Variants in ANKRD13C observed in about 807,000 individuals in gnomAD.
ANKRD13C encodes the protein ankyrin repeat domain-containing protein 13C.
ANKRD13C carries 16 observed loss-of-function variants against 65.5 expected under a neutral mutation model. That is an observed-to-expected ratio of 0.24 (90% CI 0.17 to 0.37). The LOEUF (loss-of-function observed/expected upper bound fraction) is 0.37. Ranked by LOEUF, ANKRD13C falls within the 10% of genes least tolerant of loss-of-function variation. The pLI, the probability that ANKRD13C is intolerant of heterozygous loss-of-function variation, is 1.00. For synonymous variants in ANKRD13C, 235 were observed against 238.7 expected (o/e 0.98, Z 0.14); for missense variants, 503 against 655.9 (o/e 0.77, Z 2.55).
At chr1:70,265,627 GC>G (rs1241293443) in intron 12 of ANKRD13C, among the ~76,000 whole-genome samples, 4 of 151,646 alleles carry the variant, frequency 2.6e-5, no homozygotes, top group Non-Finnish European at 5.9e-5. Flanking sequence ...TTTGAGACCA[GC>G]CCGGGCAACA....
At chr1:70,276,887 GAA>G (rs1282629008) in intron 9 of ANKRD13C, 43 bp from the exon 10 acceptor site, 1 of 1,434,152 alleles carries the variant, frequency 7.0e-7, no homozygotes. Context: ...GGGGGAGAAA[GAA>G]AGATGTTATT....
intron 7 of ANKRD13C, among the ~76,000 whole-genome samples, chr1:70,298,930 C>A (rs1364067932): frequency 2.0e-5 from 3 of 151,976 alleles, no homozygotes; most frequent in African/African-American, 7.3e-5. Context: ...AAAGAGTTTA[C>A]CAACCTATAG....
intron 1 of ANKRD13C, among the ~76,000 whole-genome samples, chr1:70,353,261 A>G (rs1453706983): frequency 6.6e-6 from 1 of 152,244 alleles, no homozygotes; most frequent in Non-Finnish European, 1.5e-5. Context: ...AATGGTCAAT[A>G]TTGACTAAGA....
At chr1:70,315,645 G>T in intron 3 of ANKRD13C, 79 bp from the exon 4 acceptor site, 2 of 1,084,662 alleles carry the variant, frequency 1.8e-6, no homozygotes, top group Non-Finnish European at 2.7e-6. Flanking sequence ...TATACATATA[G>T]ATAGATAATA....
chr1:70,320,929 A>G (rs1681281108), intron 3 of ANKRD13C, among the ~76,000 whole-genome samples: 1 of 151,972 alleles, frequency 6.6e-6, no homozygotes, highest in Admixed American at 6.6e-5. Context: ...AGCTGGGACT[A>G]CAGGCACACA....
intron 9 of ANKRD13C, among the ~76,000 whole-genome samples, chr1:70,288,871 C>T (rs1168149071): frequency 6.6e-6 from 1 of 152,084 alleles, no homozygotes; most frequent in Non-Finnish European, 1.5e-5. Context: ...CTTGGTAAGA[C>T]GTTACCACTG....
chr1:70,312,220 G>C (rs1306266239), intron 5 of ANKRD13C, among the ~76,000 whole-genome samples: 2 of 152,188 alleles, frequency 1.3e-5, no homozygotes, highest in Admixed American at 1.3e-4. Flanking sequence ...TTACTGACGA[G>C]TTGAAGCTGA....
At chr1:70,346,882 G>C (rs1682548206) in intron 1 of ANKRD13C, among the ~76,000 whole-genome samples, 1 of 151,994 alleles carries the variant, frequency 6.6e-6, no homozygotes, top group African/African-American at 2.4e-5. Flanking sequence ...ACGAGGTCAG[G>C]AGATCGAGAC....
intron 2 of ANKRD13C, among the ~76,000 whole-genome samples, chr1:70,330,362 T>A (rs561935686): frequency 1.6e-4 from 24 of 151,998 alleles, no homozygotes; most frequent in Admixed American, 1.1e-3. Flanking sequence ...GTTTGAGACC[T>A]GTCTGGCCAA....
At chr1:70,336,738 T>C (rs1235833412) in intron 1 of ANKRD13C, among the ~76,000 whole-genome samples, 1 of 152,086 alleles carries the variant, frequency 6.6e-6, no homozygotes, top group Non-Finnish European at 1.5e-5. Context: ...ACAATTTATA[T>C]TTGGGAAACA....
intron 7 of ANKRD13C, among the ~76,000 whole-genome samples, chr1:70,298,183 T>C (rs1361904480): frequency 6.6e-6 from 1 of 152,164 alleles, no homozygotes; most frequent in Non-Finnish European, 1.5e-5. Context: ...TTTTATATAT[T>C]AGCTTGGAAA....
chr1:70,334,489 T>C (rs1681933726), intron 2 of ANKRD13C, among the ~76,000 whole-genome samples: 1 of 152,108 alleles, frequency 6.6e-6, no homozygotes, highest in South Asian at 2.1e-4. Context: ...TAGCCGGGCA[T>C]GGTGGCATGT....
intron 1 of ANKRD13C, among the ~76,000 whole-genome samples, chr1:70,351,545 A>G (rs1036346895): frequency 6.6e-6 from 1 of 152,048 alleles, no homozygotes; most frequent in African/African-American, 2.4e-5. Flanking sequence ...GATTACAAGC[A>G]TGCACCACCA....
chr1:70,353,310 C>T (rs937898370), intron 1 of ANKRD13C, among the ~76,000 whole-genome samples: 6 of 152,136 alleles, frequency 3.9e-5, no homozygotes, highest in Non-Finnish European at 4.4e-5. Flanking sequence ...TTTTTAGTCA[C>T]AGTCATCAAG....
At chr1:70,272,658 G>A (rs1190389410) in intron 11 of ANKRD13C, among the ~76,000 whole-genome samples, 1 of 151,388 alleles carries the variant, frequency 6.6e-6, no homozygotes, top group Non-Finnish European at 1.5e-5. Context: ...AATATTAGCT[G>A]CAGTTTTCTT....
intron 3 of ANKRD13C, among the ~76,000 whole-genome samples, chr1:70,323,579 G>T (rs1681406022): frequency 6.6e-6 from 1 of 151,688 alleles, no homozygotes; most frequent in Non-Finnish European, 1.5e-5. Flanking sequence ...GGAGGCGGAG[G>T]TTGCAGTGAG....
At chr1:70,352,196 CT>C (rs1682768653) in intron 1 of ANKRD13C, among the ~76,000 whole-genome samples, 1 of 151,958 alleles carries the variant, frequency 6.6e-6, no homozygotes, top group Non-Finnish European at 1.5e-5. Context: ...AAAAATTAGC[CT>C]GGCGCGGTGG....
chr1:70,354,080 C>CAACT lies in ANKRD13C; in HGVS notation c.325_328dup (p.Cys110Ter). The CAACT allele has an allele frequency of 6.2e-7, 1 of 1,611,080 alleles. No individual in the cohort carries two copies. Among genetic ancestry groups the CAACT allele is most frequent in the Non-Finnish European group, 8.5e-7 (1 of 1,178,194 alleles). On this transcript the variant is annotated stop_gained and frameshift_variant, in exon 1 of 13. Transcript: ENST00000370944. LOFTEE classifies it high-confidence loss of function. ...CTCGTGCACCGGGTAGTGTGCGGGGCAACTGCCTCCATCCGCGACGACAGC... is the reference window on the plus strand; with the variant it reads ...CTCGTGCACCGGGTAGTGTGCGGGGCAACTAACTGCCTCCATCCGCGACGACAGC...
chr1:70,278,140 G>C (rs939261177), intron 9 of ANKRD13C, among the ~76,000 whole-genome samples: 1 of 150,966 alleles, frequency 6.6e-6, no homozygotes, highest in Non-Finnish European at 1.5e-5. Flanking sequence ...AGTAAGCCAT[G>C]ATTATGCCAC....
Sources: allele counts gnomAD v4.1 joint callset (sites outside exome capture counted in the v4.1 genomes callset), GRCh38; gene constraint gnomAD v4.1.1; transcripts MANE v1.5; gene names NCBI Gene and HGNC (gene_info 2026-07-23, HGNC 2026-07-21).